The following THBS1 variants were observed in gnomAD, a reference collection of about 807,000 sequenced individuals.
The protein encoded by THBS1 is thrombospondin 1.
Under a neutral mutation model 126.1 loss-of-function variants are expected in THBS1, and 29 were observed. The ratio of observed to expected loss-of-function variants is 0.23; its 90% confidence interval spans 0.17 to 0.31. The LOEUF is 0.31. Ranked by LOEUF, THBS1 falls within the 10% of genes least tolerant of loss-of-function variation. The pLI, the probability that THBS1 is intolerant of heterozygous loss-of-function variation, is 1.00. For synonymous variants in THBS1, 496 were observed against 577.8 expected, an observed-to-expected ratio of 0.86 and a Z score of 2.03; for missense variants, 1,198 against 1,545.2, an observed-to-expected ratio of 0.78 and a Z score of 3.77.
Position 39,590,531 on chromosome 15 carries a change from C to A in THBS1, c.2161C>A (p.Leu721Ile). The change falls in exon 14 of 22, where the codon CTT (leucine) becomes ATT (isoleucine). Residue 721 changes from leucine (L) to isoleucine (I), a missense_variant. Physicochemically the swap from Leu to Ile is conservative, Grantham distance 5 (BLOSUM62 2). Transcript: ENST00000260356. ...TCTTTCCTAGGATAATTGCCCCAACCTTCCCAACTCAGGGCAGGAAGACTA... is the reference window on the plus strand; with the variant it reads ...TCTTTCCTAGGATAATTGCCCCAACATTCCCAACTCAGGGCAGGAAGACTA... ...YHCKKDNCPNLPNSGQEDYDK... is the reference protein window; with the variant it reads ...YHCKKDNCPNIPNSGQEDYDK... 1 of 1,613,408 alleles carries A rather than the reference C, an allele frequency of 6.2e-7. No homozygotes were observed. The highest frequency in any genetic ancestry group is 8.5e-7 in the Non-Finnish European group (1 of 1,179,770).
At position 39,587,369 on chromosome 15, in the gene THBS1, C is replaced by T; in HGVS notation, c.1143C>T (p.Gly381=). 1 of 1,613,314 alleles carries T rather than the reference C, an allele frequency of 6.2e-7. No individual in the cohort carries two copies. The highest frequency in any genetic ancestry group is 8.5e-7 in the Non-Finnish European group (1 of 1,179,578). ...CAGCCAGCGACTCTGCGGACGATGG[C>T]TGGTCTCCATGGTCCGAGTGGACCT... ...RCWPSDSADD[G]WSPWSEWTSC... Residue 381 remains glycine, a synonymous_variant, in exon 8 of 22, where the codon GGC becomes GGT. Coordinates refer to ENST00000260356, the MANE Select transcript of THBS1 (RefSeq NM_003246.4).
chr15:39,588,001 C>G (rs1410626088), intron 8 of THBS1, 41 bp from the exon 9 acceptor site: 3 of 1,594,614 alleles, frequency 1.9e-6, no homozygotes, highest in Non-Finnish European at 2.6e-6. Flanking sequence ...TTGGCTGTCT[C>G]TAAGCCAAAA....
At chr15:39,588,498 T>A in intron 9 of THBS1, 28 bp from the exon 10 acceptor site, 1 of 1,527,682 alleles carries the variant, frequency 6.5e-7, no homozygotes, top group Middle Eastern at 1.8e-4. Flanking sequence ...TTGATCTTAA[T>A]TGTTGCCTGT....
intron 7 of THBS1, 21 bp downstream of exon 7, chr15:39,585,584 A>G: frequency 6.2e-7 from 1 of 1,609,916 alleles, no homozygotes; most frequent in Non-Finnish European, 8.5e-7. Flanking sequence ...CAAATGGCAT[A>G]GCTATTCTTC....
chr15:39,587,568 T>C lies in THBS1; in HGVS notation c.1294+48T>C, dbSNP rs1452383688. 3.2e-6 allele frequency: 5 copies of C among 1,546,834 alleles called. No homozygotes were observed. In the African/African-American group the frequency reaches 6.8e-5, roughly 21 times the overall value. ...GACGTGGAGAACTGACCTGTCCTTG[T>C]TGTCGTCACCAAGGGCAGCTCCACA... On this transcript the variant is annotated intron_variant, in intron 8 of 21. Transcript: ENST00000260356.
chr15:39,595,235 T>C (rs1890411564), intron 21 of THBS1, 127 bp from the exon 22 acceptor site: 1 of 587,326 alleles, frequency 1.7e-6, no homozygotes, highest in Admixed American at 3.7e-5. Flanking sequence ...TGAACAACCT[T>C]AAAATTAGGC....
chr15:39,585,153 T>C (rs1321515917), intron 6 of THBS1, among the ~76,000 whole-genome samples: 1 of 152,198 alleles, frequency 6.6e-6, no homozygotes, highest in East Asian at 1.9e-4. Context: ...CTGAGTTTGA[T>C]TTCAGACATA....
rs761497713 is a variant in THBS1, at chr15:39,590,520, A to T, written c.2150A>T (p.Asn717Ile). Residue 717 changes from asparagine to isoleucine, a missense_variant, in exon 14 of 22, where the codon AAT (asparagine) becomes ATT (isoleucine). Asn to Ile is a moderately radical substitution (Grantham distance 149). Around this residue, in one of 4 missense-constraint regions of THBS1, gnomAD observed 663 missense variants for 860.1 expected, o/e 0.77. Coordinates refer to ENST00000260356, the MANE Select transcript of THBS1 (RefSeq NM_003246.4). ...ANATYHCKKD[N>I]CPNLPNSGQE... ...TATATATCTTCTCTTTCCTAGGATAATTGCCCCAACCTTCCCAACTCAGGG... is the reference window on the plus strand; with the variant it reads ...TATATATCTTCTCTTTCCTAGGATATTTGCCCCAACCTTCCCAACTCAGGG... 3 of 1,612,856 alleles carry T rather than the reference A, an allele frequency of 1.9e-6. No individual in the cohort carries two copies. The highest frequency in any genetic ancestry group is 2.5e-6 in the Non-Finnish European group (3 of 1,179,524).
In THBS1 at chr15:39,593,382, G is replaced by T. The variant is rs770390546; in HGVS notation, c.2996-15G>T. The T allele has an allele frequency of 1.2e-6, 2 of 1,613,622 alleles. No homozygotes were observed. The highest frequency in any genetic ancestry group is 1.7e-6 in the Non-Finnish European group (2 of 1,179,694). ...AGGCTGCAGGTTTTAACCTGGCTCT[G>T]GGCTCTTCTTCCAGGTTATGATGAG... On this transcript the variant is annotated splice_polypyrimidine_tract_variant and intron_variant, in intron 18 of 21. Transcript: ENST00000260356. This position sits in a 1 kb window ranked among gnomAD's most constrained non-coding sequence, Gnocchi z 5.9.
chr15:39,585,407 A>T, intron 6 of THBS1, 63 bp from the exon 7 acceptor site: 1 of 1,461,424 alleles, frequency 6.8e-7, no homozygotes, highest in Non-Finnish European at 9.6e-7. Context: ...ATGTTACAGG[A>T]TGTAGACTTC....
rs1381255639 is a variant in THBS1, at chr15:39,589,337, G to T, written c.1909G>T (p.Ala637Ser). The change falls in exon 12 of 22, where the codon GCC becomes TCC. Residue 637 changes from alanine (A) to serine (S), a missense_variant. Ala to Ser is a moderately conservative substitution (Grantham distance 99). Around this residue, in one of 4 missense-constraint regions of THBS1, gnomAD observed 663 missense variants for 860.1 expected, o/e 0.77. Transcript: ENST00000260356. The surrounding 1 kb of genome is among the most constrained non-coding windows in gnomAD (Gnocchi z 4.7). ...SQPFGQGVEH[A>S]TANKQVCKPR... ...GCCCTTCGGCCAGGGTGTCGAACAT[G>T]CCACGGCCAACAAACAGGTACAGTC... 8 of 1,613,872 alleles carry T rather than the reference G, an allele frequency of 5.0e-6. No individual in the cohort carries two copies. Among genetic ancestry groups the T allele is most frequent in the Non-Finnish European group, 5.9e-6 (7 of 1,180,026 alleles).
chr15:39,582,927 G>A (rs551382975), intron 3 of THBS1, among the ~76,000 whole-genome samples, 175 bp downstream of exon 3: 1 of 152,238 alleles, frequency 6.6e-6, no homozygotes, highest in East Asian at 1.9e-4. Flanking sequence ...CCCAGCCCCA[G>A]AGTCTGGGAT....
Position 39,589,891 on chromosome 15 carries a change from C to T in THBS1, c.2013C>T (p.Asp671=), listed in dbSNP as rs762394452. The T allele has an allele frequency of 2.4e-5, 39 of 1,614,092 alleles. No homozygotes were observed. The highest frequency in any genetic ancestry group is 3.3e-5 in the Admixed American group (2 of 60,004). ...GCAACTACCTGGGCCACTATAGCGA[C>T]CCCATGTACCGCTGCGAGTGCAAGC... The part of the protein sequence containing the change: ...AKCNYLGHYS[D]PMYRCECKPG... Residue 671 remains aspartate, a synonymous_variant, in exon 13 of 22, where the codon GAC becomes GAT. Transcript: ENST00000260356. The surrounding 1 kb of genome is among the most constrained non-coding windows in gnomAD (Gnocchi z 4.7).
chr15:39,598,380 A>C lies in THBS1; in HGVS notation c.*3011A>C, dbSNP rs1398654193. On this transcript the variant is annotated 3_prime_UTR_variant, in exon 22 of 22. Coordinates refer to ENST00000260356, the MANE Select transcript of THBS1 (RefSeq NM_003246.4). ...ATCATTTTATAGTACCAAGGTGAAG[A>C]AGCAGGAACTAGAAAGTGTTGATAA... 6.6e-6 allele frequency: 1 copy of C among 152,246 alleles called. No homozygotes were observed. The highest frequency in any genetic ancestry group is 1.5e-5 in the Non-Finnish European group (1 of 68,036). The allele number at this position is 152,246 out of a possible 1,614,324, so 9.4% of individuals were successfully genotyped here.
intron 7 of THBS1, among the ~76,000 whole-genome samples, chr15:39,585,880 G>C (rs1457676461): frequency 1.3e-5 from 2 of 152,324 alleles, no homozygotes; most frequent in East Asian, 3.9e-4. Context: ...ACTGCTTTTA[G>C]AATTTGACCT....
rs1181304567 is a variant in THBS1 at position 39,588,090 on chromosome 15, C to T, written c.1343C>T (p.Ser448Phe). The T allele has an allele frequency of 2.5e-6, 4 of 1,614,116 alleles. No individual in the cohort carries two copies. The African/African-American group carries it at 5.3e-5, about 22-fold the overall frequency. ...WSHWSPWSSC[S>F]VTCGDGVITR... Reference sequence around the variant, plus strand: ...CACTGGTCCCCGTGGTCATCTTGTTCTGTGACATGTGGTGATGGTGTGATC... The same window carrying T: ...CACTGGTCCCCGTGGTCATCTTGTTTTGTGACATGTGGTGATGGTGTGATC... The change falls in exon 9 of 22, where the codon TCT becomes TTT. Residue 448 changes from serine (S) to phenylalanine (F), a missense_variant. By Grantham distance (155) the Ser-to-Phe change is radical. Around this residue, in one of 4 missense-constraint regions of THBS1, gnomAD observed 663 missense variants for 860.1 expected, o/e 0.77. Transcript: ENST00000260356.
Position 39,594,489 on chromosome 15 carries a change from C to G in THBS1, c.3505+49C>G. On this transcript the variant is annotated intron_variant, in intron 21 of 21. Coordinates refer to ENST00000260356, the MANE Select transcript of THBS1 (RefSeq NM_003246.4). This position sits in a 1 kb window ranked among gnomAD's most constrained non-coding sequence, Gnocchi z 4.4. ...GTACACTGGACATCTCTATTTCAGA[C>G]TAATATCAAGGATGACGGTTATGGG... The G allele has an allele frequency of 6.3e-7, 1 of 1,599,032 alleles. No homozygotes were observed. Among genetic ancestry groups the G allele is most frequent in the Non-Finnish European group, 8.5e-7 (1 of 1,173,492 alleles).
chr15:39,588,548 G>T lies in THBS1; in HGVS notation c.1494G>T (p.Trp498Cys). The change falls in exon 10 of 22, where the codon TGG becomes TGT. Residue 498 changes from tryptophan (W) to cysteine (C), a missense_variant. Around this residue, in one of 4 missense-constraint regions of THBS1, gnomAD observed 663 missense variants for 860.1 expected, o/e 0.77. Transcript: ENST00000260356. ...CAGTCAATGGAGGCTGGGGTCCTTG[G>T]TCACCATGGGACATCTGTTCTGTCA... Reference protein sequence around the residue: ...ACPINGGWGPWSPWDICSVTC... With the variant: ...ACPINGGWGPCSPWDICSVTC... 1 of 1,561,688 alleles carries T rather than the reference G, an allele frequency of 6.4e-7. No individual in the cohort carries two copies.
intron 3 of THBS1, among the ~76,000 whole-genome samples, chr15:39,583,252 T>C (rs1890146157): frequency 6.6e-6 from 1 of 152,238 alleles, no homozygotes; most frequent in Non-Finnish European, 1.5e-5. Context: ...TACAGCTTCA[T>C]CTGTGCCTTA....
Sources: allele counts gnomAD v4.1 joint callset (sites outside exome capture counted in the v4.1 genomes callset), GRCh38; gene constraint gnomAD v4.1.1; regional missense constraint gnomAD v4.1.1; non-coding constraint Gnocchi (gnomAD v3.1); transcripts MANE v1.5; gene names NCBI Gene and HGNC (gene_info 2026-07-23, HGNC 2026-07-21).